The following VAV3 variants were observed in gnomAD, a reference collection of about 807,000 sequenced individuals.
VAV3 encodes the protein guanine nucleotide exchange factor VAV3.
Under a neutral mutation model 131.2 loss-of-function variants are expected in VAV3, and 94 were observed. That is an observed-to-expected ratio of 0.72 (90% CI 0.61 to 0.85). VAV3 has a LOEUF of 0.85. Ranked by LOEUF, VAV3 falls within the 40% of genes least tolerant of loss-of-function variation. The probability of loss-of-function intolerance (pLI) is 0.00; values close to 1 mark genes in which losing one functional copy is unlikely to be tolerated. For missense variants in VAV3, 939 were observed against 1,002.7 expected (o/e 0.94, Z 0.86); for synonymous variants, 349 against 342.0 (o/e 1.02, Z -0.22).
intron 20 of VAV3, among the ~76,000 whole-genome samples, chr1:107,635,594 C>G (rs1271157619): frequency 6.6e-6 from 1 of 152,138 alleles, no homozygotes; most frequent in African/African-American, 2.4e-5. Context: ...ACGTTGTGCA[C>G]ACGTACCCTA....
intron 15 of VAV3, among the ~76,000 whole-genome samples, chr1:107,716,187 T>G (rs972185552): frequency 6.6e-6 from 1 of 152,190 alleles, no homozygotes; most frequent in Non-Finnish European, 1.5e-5. Context: ...AAGTTTGGCA[T>G]GAATCAAGGC....
chr1:107,834,166 T>C (rs2102396800), intron 2 of VAV3, among the ~76,000 whole-genome samples: 1 of 152,362 alleles, frequency 6.6e-6, no homozygotes, highest in African/African-American at 2.4e-5. Flanking sequence ...AAACCCATTT[T>C]ACATTTAAAA....
At chr1:107,733,388 CTT>C (rs1358070626) in intron 15 of VAV3, among the ~76,000 whole-genome samples, 18 of 152,210 alleles carry the variant, frequency 1.2e-4, no homozygotes, top group Non-Finnish European at 2.9e-5. Flanking sequence ...TGGAGAATGA[CTT>C]TGATGAGTTG....
intron 25 of VAV3, among the ~76,000 whole-genome samples, chr1:107,575,794 G>A (rs1649604482): frequency 1.3e-5 from 2 of 152,076 alleles, no homozygotes; most frequent in Non-Finnish European, 2.9e-5. Flanking sequence ...ATTGGGATGT[G>A]CAGGTTAATT....
chr1:107,575,721 G>A (rs902766619), intron 25 of VAV3, among the ~76,000 whole-genome samples: 1 of 152,138 alleles, frequency 6.6e-6, no homozygotes, highest in Non-Finnish European at 1.5e-5. Flanking sequence ...TCTCATCTAT[G>A]AAATGAAATG....
rs1388033747 is a variant in VAV3, at chr1:107,638,530, G to T, written c.1914+4089C>A. 3.3e-5 allele frequency among the ~76,000 whole-genome samples: 5 copies of T among 152,244 alleles called. No homozygotes were observed. The East Asian group carries it at 9.6e-4, about 29-fold the overall frequency. ...CTGCAAAACACTTCTGAGAATTAAA[G>T]ACCTAAATAAATGAGGAGTATAGTA... On this transcript the variant is annotated intron_variant, in intron 20 of 26. Coordinates refer to ENST00000370056, the MANE Select transcript of VAV3 (RefSeq NM_006113.5).
chr1:107,919,683 T>C (rs1672796840), intron 1 of VAV3, among the ~76,000 whole-genome samples: 1 of 152,186 alleles, frequency 6.6e-6, no homozygotes, highest in South Asian at 2.1e-4. Context: ...TTTATTACAG[T>C]TATACAGGTA....
chr1:107,948,841 C>CA (rs199928006), intron 1 of VAV3, among the ~76,000 whole-genome samples: 4,861 of 147,220 alleles, frequency 0.033, 256 homozygotes, highest in African/African-American at 0.11. Context: ...GACTCCATCT[C>CA]AAAAAAAAAA....
chr1:107,641,858 G>A (rs1655365502), intron 20 of VAV3, among the ~76,000 whole-genome samples: 1 of 152,076 alleles, frequency 6.6e-6, no homozygotes, highest in African/African-American at 2.4e-5. Flanking sequence ...TGATAATTAT[G>A]ACCCCACAGC....
Position 107,573,214 on chromosome 1 carries a change from G to T in VAV3, c.*117C>A. The T allele has an allele frequency of 2.6e-6, 3 of 1,167,846 alleles. No homozygotes were observed. The highest frequency in any genetic ancestry group is 2.4e-6 in the Non-Finnish European group (2 of 818,072). 72.3% of individuals were successfully genotyped at this position (1,167,846 alleles called of 1,614,324 possible). On this transcript the variant is annotated 3_prime_UTR_variant, in exon 27 of 27. Transcript: ENST00000370056. ...TTAGGAGGGGCTAAGGAGGGAGGATGTTGAACAGCCAGAAATGCAGCTTTT... is the reference window on the plus strand; with the variant it reads ...TTAGGAGGGGCTAAGGAGGGAGGATTTTGAACAGCCAGAAATGCAGCTTTT...
intron 17 of VAV3, among the ~76,000 whole-genome samples, chr1:107,699,073 T>G (rs929127822): frequency 6.6e-6 from 1 of 152,166 alleles, no homozygotes; most frequent in Non-Finnish European, 1.5e-5. Flanking sequence ...CAAAACACAA[T>G]CATGCCTACC....
At chr1:107,727,957 T>A (rs1661954331) in intron 15 of VAV3, among the ~76,000 whole-genome samples, 1 of 152,210 alleles carries the variant, frequency 6.6e-6, no homozygotes, top group Admixed American at 6.5e-5. Flanking sequence ...GCAAGAAATT[T>A]AATTAAATTT....
At chr1:107,600,669 T>C (rs182121012) in intron 24 of VAV3, among the ~76,000 whole-genome samples, 2 of 152,334 alleles carry the variant, frequency 1.3e-5, no homozygotes, top group East Asian at 3.9e-4. Flanking sequence ...GCTTTCACTA[T>C]AATCACAGCT....
chr1:107,963,453 A>G (rs1182821139), intron 1 of VAV3: 1 of 152,202 alleles, frequency 6.6e-6, no homozygotes, highest in Non-Finnish European at 1.5e-5. Flanking sequence ...CCCCACTTCC[A>G]TGCCTGTTCT....
chr1:107,964,578 T>G, intron 1 of VAV3, 88 bp downstream of exon 1: 1 of 1,428,682 alleles, frequency 7.0e-7, no homozygotes, highest in Non-Finnish European at 9.5e-7. Context: ...TCAGCGCACC[T>G]AGACGTTTGC....
chr1:107,847,910 C>T (rs1402199870), intron 2 of VAV3, among the ~76,000 whole-genome samples: 3 of 152,188 alleles, frequency 2.0e-5, no homozygotes, highest in Non-Finnish European at 2.9e-5. Context: ...CTCCTCCTAA[C>T]TCATTTTGAG....
At chr1:107,944,864 C>T (rs1674175616) in intron 1 of VAV3, among the ~76,000 whole-genome samples, 1 of 152,194 alleles carries the variant, frequency 6.6e-6, no homozygotes, top group South Asian at 2.1e-4. Context: ...CCTCGGCCTC[C>T]CAAAGTGCTA....
chr1:107,760,867 T>C lies in VAV3; in HGVS notation c.934A>G (p.Arg312Gly). 1 of 1,613,312 alleles carries C rather than the reference T, an allele frequency of 6.2e-7. No homozygotes were observed. Among genetic ancestry groups the C allele is most frequent in the Non-Finnish European group, 8.5e-7 (1 of 1,179,428 alleles). The part of the protein sequence containing the change: ...VKLKLEECSK[R>G]ANNGKFTLRD... ...AGAGTAAATTTCCCATTATTTGCTC[T>C]TTTGGAACATTCCTAATGAAATGTT... Residue 312 changes from arginine (R) to glycine (G), a missense_variant, in exon 10 of 27, where the codon AGA becomes GGA. Physicochemically the swap from Arg to Gly is moderately radical, Grantham distance 125. Coordinates refer to ENST00000370056, the MANE Select transcript of VAV3 (RefSeq NM_006113.5).
intron 19 of VAV3, among the ~76,000 whole-genome samples, chr1:107,657,917 A>G (rs1384197640): frequency 2.6e-5 from 4 of 152,220 alleles, no homozygotes; most frequent in Admixed American, 1.3e-4. Context: ...ACTAATTGCT[A>G]TTAGTACAGC....
Sources: gnomAD v4.1 joint callset for allele counts (sites outside exome capture counted in the v4.1 genomes callset) on GRCh38, gnomAD v4.1.1 for gene constraint, MANE v1.5 for transcripts, NCBI Gene and HGNC (gene_info 2026-07-23, HGNC 2026-07-21) for gene names.